NEMF: variants seen among roughly 807,000 people sequenced by gnomAD.
The protein encoded by NEMF is ribosome quality control complex subunit NEMF.
Under a neutral mutation model 162.2 loss-of-function variants are expected in NEMF, and 89 were observed. The observed-to-expected ratio is 0.55, with a 90% CI of 0.46 to 0.65. The LOEUF (loss-of-function observed/expected upper bound fraction) is 0.65. Among genes scored for constraint, NEMF ranks in the 30% least tolerant of loss-of-function variants. The pLI is 0.00. For synonymous variants in NEMF, 421 were observed against 404.5 expected, an observed-to-expected ratio of 1.04 and a Z score of -0.49; for missense variants, 1,133 against 1,261.9, an observed-to-expected ratio of 0.90 and a Z score of 1.55.
At chr14:49,831,505 T>G (rs1892637063) in intron 10 of NEMF, 144 bp from the exon 11 acceptor site, 1 of 592,492 alleles carries the variant, frequency 1.7e-6, no homozygotes, top group Non-Finnish European at 3.0e-6. Context: ...TGGCGCGATC[T>G]AGGCTCACTG....
chr14:49,814,709 C>G, intron 17 of NEMF, 45 bp downstream of exon 17: 2 of 1,027,238 alleles, frequency 1.9e-6, no homozygotes, highest in Non-Finnish European at 2.9e-6. Context: ...GATAACTGAT[C>G]CAAACATTCA....
At chr14:49,823,637 T>C (rs938884386) in intron 16 of NEMF, among the ~76,000 whole-genome samples, 1 of 151,968 alleles carries the variant, frequency 6.6e-6, no homozygotes, top group African/African-American at 2.4e-5. Context: ...AAAAACAAGA[T>C]TTCCAGAAGG....
At chr14:49,846,343 T>C (rs1235176889) in intron 3 of NEMF, 78 bp from the exon 4 acceptor site, 4 of 1,303,650 alleles carry the variant, frequency 3.1e-6, no homozygotes, top group Non-Finnish European at 4.3e-6. Flanking sequence ...TAAATAAGCT[T>C]CTTTTCATTA....
intron 18 of NEMF, among the ~76,000 whole-genome samples, chr14:49,806,684 A>T (rs573532880): frequency 6.6e-6 from 1 of 152,272 alleles, no homozygotes; most frequent in South Asian, 2.1e-4. Context: ...GACCTACGTA[A>T]ATAAAACATG....
intron 6 of NEMF, among the ~76,000 whole-genome samples, chr14:49,834,926 C>T (rs1029590400): frequency 3.3e-5 from 5 of 152,184 alleles, no homozygotes; most frequent in African/African-American, 9.7e-5. Flanking sequence ...AGACTGGGTG[C>T]GGTGGCTCAT....
intron 16 of NEMF, among the ~76,000 whole-genome samples, chr14:49,821,747 G>A (rs1382329670): frequency 4.0e-5 from 6 of 150,266 alleles, no homozygotes; most frequent in East Asian, 4.0e-4. Context: ...GCCTCTGCCC[G>A]GCCGCCCCTA....
At chr14:49,807,081 T>C (rs1293203527) in intron 18 of NEMF, among the ~76,000 whole-genome samples, 1 of 152,212 alleles carries the variant, frequency 6.6e-6, no homozygotes, top group Non-Finnish European at 1.5e-5. Flanking sequence ...ATTACTAATC[T>C]ATTTTCTGTC....
intron 5 of NEMF, among the ~76,000 whole-genome samples, chr14:49,838,783 A>G (rs1428696949): frequency 6.6e-6 from 1 of 151,998 alleles, no homozygotes; most frequent in Non-Finnish European, 1.5e-5. Context: ...ACGGGGTTTC[A>G]CCGTGTTAGC....
chr14:49,796,189 C>A, intron 25 of NEMF: 3 of 552,686 alleles, frequency 5.4e-6, no homozygotes, highest in East Asian at 8.7e-5. Context: ...TATTGTCACC[C>A]CTGACTCATC....
intron 23 of NEMF, 99 bp downstream of exon 23, chr14:49,800,320 TA>T: frequency 1.1e-6 from 1 of 918,362 alleles, no homozygotes; most frequent in Non-Finnish European, 1.6e-6. Context: ...CAATGGAGTG[TA>T]AAAGTACTGA....
chr14:49,789,511 G>A lies in NEMF; in HGVS notation c.2682C>T (p.Ile894=). Residue 894 remains isoleucine (I), a synonymous_variant, in exon 27 of 33, where the codon ATC becomes ATT. Coordinates refer to ENST00000298310, the MANE Select transcript of NEMF (RefSeq NM_004713.6). The part of the protein sequence containing the change: ...KDQDEEDREL[I]MKLLGSAGSN... ...TGTTATTTACCCCCAGCAACTTCAT[G>A]ATAAGTTCACGGTCTTCTTCATCCT... is the stretch of plus-strand genomic sequence containing the variant. The A allele has an allele frequency of 6.2e-7, 1 of 1,612,210 alleles. No individual in the cohort carries two copies. Among genetic ancestry groups the A allele is most frequent in the Non-Finnish European group, 8.5e-7 (1 of 1,179,620 alleles).
At chr14:49,837,634 G>A (rs959443603) in intron 6 of NEMF, among the ~76,000 whole-genome samples, 2 of 151,950 alleles carry the variant, frequency 1.3e-5, no homozygotes, top group Admixed American at 6.6e-5. Context: ...TTTCATAAGA[G>A]AGGAAGAGTT....
At chr14:49,808,463 C>T (rs1891323813) in intron 18 of NEMF, among the ~76,000 whole-genome samples, 1 of 152,162 alleles carries the variant, frequency 6.6e-6, no homozygotes, top group Non-Finnish European at 1.5e-5. Flanking sequence ...GCATGAGCCA[C>T]CGTGCCGGGC....
rs1425178456 is a variant in NEMF, at chr14:49,783,971, A to G, written c.*665T>C. 6.6e-6 allele frequency: 1 copy of G among 152,170 alleles called. No individual in the cohort carries two copies. Among genetic ancestry groups the G allele is most frequent in the Non-Finnish European group, 1.5e-5 (1 of 68,016 alleles). The allele number at this position is 152,170 out of a possible 1,614,324, so 9.4% of individuals were successfully genotyped here. A position where few individuals can be genotyped will look rare whatever the true frequency, so the allele number is the denominator to read the frequency against. ...AGCTGGCCTATAATATATATATATT[A>G]GATGTTATATACAGTAGACTTACCA... On this transcript the variant is annotated 3_prime_UTR_variant, in exon 33 of 33. Transcript: ENST00000298310.
chr14:49,805,972 A>G, intron 19 of NEMF, 49 bp downstream of exon 19: 1 of 1,335,568 alleles, frequency 7.5e-7, no homozygotes, highest in Non-Finnish European at 1.1e-6. Flanking sequence ...AAAATTTGGC[A>G]CACAGTAGCT....
At chr14:49,811,885 G>A (rs1204546584) in intron 18 of NEMF, among the ~76,000 whole-genome samples, 1 of 152,096 alleles carries the variant, frequency 6.6e-6, no homozygotes, top group African/African-American at 2.4e-5. Context: ...ACCGGTATTG[G>A]TCTGTAGTTT....
At chr14:49,792,197 C>T (rs912690118) in intron 26 of NEMF, among the ~76,000 whole-genome samples, 2 of 151,834 alleles carry the variant, frequency 1.3e-5, no homozygotes, top group Non-Finnish European at 2.9e-5. Context: ...GTTTTATAAG[C>T]AAATGCTATC....
intron 18 of NEMF, among the ~76,000 whole-genome samples, chr14:49,808,100 T>A (rs1429361260): frequency 6.6e-6 from 1 of 152,174 alleles, no homozygotes; most frequent in South Asian, 2.1e-4. Context: ...GATATATGAT[T>A]TGCAAATATT....
intron 22 of NEMF, among the ~76,000 whole-genome samples, chr14:49,802,103 G>A (rs1437081779): frequency 6.6e-6 from 1 of 151,594 alleles, no homozygotes; most frequent in Admixed American, 6.6e-5. Flanking sequence ...GACTATAGGC[G>A]CTCACAACGC....
Sources: allele counts gnomAD v4.1 joint callset (sites outside exome capture counted in the v4.1 genomes callset), GRCh38; gene constraint gnomAD v4.1.1; transcripts MANE v1.5; gene names NCBI Gene and HGNC (gene_info 2026-07-23, HGNC 2026-07-21).